The following PRIM2 variants were observed in gnomAD, a reference collection of about 807,000 sequenced individuals.
PRIM2 encodes DNA primase subunit 2.
In PRIM2, 39 loss-of-function variants were observed where a neutral mutation model predicts 67.3. The ratio of observed to expected loss-of-function variants is 0.58; its 90% CI spans 0.45 to 0.76. The LOEUF is 0.76. PRIM2 is among the 30% of genes least tolerant of loss of function. PRIM2 has a pLI of 0.00. For synonymous variants in PRIM2, 143 were observed against 198.7 expected (o/e 0.72, Z 2.36); for missense variants, 398 against 598.7 (o/e 0.66, Z 3.50).
intron 7 of PRIM2, among the ~76,000 whole-genome samples, chr6:57,396,960 T>A (rs1770536394): frequency 6.6e-6 from 1 of 152,200 alleles, no homozygotes; most frequent in Non-Finnish European, 1.5e-5. Context: ...TCTTGGCTGA[T>A]AATGATTTTG....
chr6:57,504,012 T>C (rs1774199870), intron 7 of PRIM2, among the ~76,000 whole-genome samples: 1 of 152,102 alleles, frequency 6.6e-6, no homozygotes, highest in Non-Finnish European at 1.5e-5. Context: ...CTGTCCTGTT[T>C]TGAGGGGTGA....
chr6:57,359,890 T>G (rs1769142095), intron 5 of PRIM2, among the ~76,000 whole-genome samples: 1 of 152,222 alleles, frequency 6.6e-6, no homozygotes. Flanking sequence ...TGCTTAAAAG[T>G]TAGCTGAGAA....
chr6:57,527,461 T>C (rs1399716266), intron 8 of PRIM2, among the ~76,000 whole-genome samples: 4 of 152,304 alleles, frequency 2.6e-5, no homozygotes, highest in Admixed American at 1.3e-4. Context: ...TGCCTTCCTT[T>C]CTCCATCGTT....
chr6:57,619,999 G>T (rs1209949275), intron 12 of PRIM2, among the ~76,000 whole-genome samples: 1 of 152,038 alleles, frequency 6.6e-6, no homozygotes, highest in African/African-American at 2.4e-5. Context: ...GATCGAGACC[G>T]TCCTGGCTAA....
the PRIM2 span, among the ~76,000 whole-genome samples, chr6:57,261,405 C>T: frequency 7.2e-5 from 11 of 152,192 alleles, no homozygotes; most frequent in Non-Finnish European, 4.4e-5. Flanking sequence ...GGGAAAAATA[C>T]CCAGCTTCTC....
chr6:57,258,333 C>T, the PRIM2 span, among the ~76,000 whole-genome samples: 1 of 151,578 alleles, frequency 6.6e-6, no homozygotes, highest in Non-Finnish European at 1.5e-5. Flanking sequence ...TATGTGTAGT[C>T]TCATCTAGTT....
At chr6:57,339,059 C>T (rs912087072) in intron 5 of PRIM2, among the ~76,000 whole-genome samples, 5 of 151,794 alleles carry the variant, frequency 3.3e-5, no homozygotes, top group East Asian at 1.9e-4. Context: ...TATACACCAA[C>T]AACAGACAAA....
intron 12 of PRIM2, among the ~76,000 whole-genome samples, chr6:57,625,157 G>A (rs1172389505): frequency 8.5e-5 from 13 of 152,156 alleles, no homozygotes; most frequent in African/African-American, 2.4e-4. Context: ...ACCATATATC[G>A]CAGATAAACA....
chr6:57,418,963 T>C (rs1434541912), intron 7 of PRIM2, among the ~76,000 whole-genome samples: 3 of 152,084 alleles, frequency 2.0e-5, no homozygotes, highest in African/African-American at 7.2e-5. Flanking sequence ...AATACTGAGA[T>C]TTAATTATTT....
At chr6:57,364,485 C>G (rs4715668) in intron 5 of PRIM2, among the ~76,000 whole-genome samples, 1 of 151,968 alleles carries the variant, frequency 6.6e-6, no homozygotes, top group Admixed American at 6.6e-5. Context: ...ACCATATATA[C>G]TTTGGGTGGC....
At chr6:57,609,468 A>G (rs1367611983) in intron 12 of PRIM2, among the ~76,000 whole-genome samples, 95 of 152,376 alleles carry the variant, frequency 6.2e-4, no homozygotes, top group African/African-American at 2.1e-3. Flanking sequence ...TAGGGAATCT[A>G]GAAGAAATTA....
At chr6:57,615,857 T>C (rs1284492076) in intron 12 of PRIM2, among the ~76,000 whole-genome samples, 1 of 152,172 alleles carries the variant, frequency 6.6e-6, no homozygotes, top group Non-Finnish European at 1.5e-5. Flanking sequence ...GCCACTGTAC[T>C]CCATCCTGGA....
rs1402842750 is a variant in PRIM2, at chr6:57,438,304, ATTGTTACTGTTTGTGGC to A, written c.693+56138_693+56154del. 4.6e-5 allele frequency among the ~76,000 whole-genome samples: 7 copies of A among 152,300 alleles called. No individual in the cohort carries two copies. In the East Asian group the frequency reaches 1.4e-3, roughly 29 times the overall value. The stretch of plus-strand genomic sequence containing the variant: ...TTTAAAACAAAACATACTTCAAGGA[ATTGTTACTGTTTGTGGC>A]TGGGTTTACATACTCTTGAATCTGA... On this transcript the variant is annotated intron_variant, in intron 7 of 13. Coordinates refer to ENST00000615550, the MANE Select transcript of PRIM2 (RefSeq NM_000947.5).
intron 7 of PRIM2, chr6:57,382,856 T>TCTTGGGACAGA: frequency 6.6e-6 from 1 of 152,208 alleles, no homozygotes; most frequent in Admixed American, 6.6e-5. Flanking sequence ...TGTTTTAAAC[T>TCTTGGGACAGA]GTACTGATTA....
intron 10 of PRIM2, among the ~76,000 whole-genome samples, chr6:57,548,937 AG>A (rs1376131430): frequency 2.0e-5 from 3 of 152,128 alleles, no homozygotes; most frequent in African/African-American, 4.8e-5. Flanking sequence ...AAAAAAAAAA[AG>A]ATTGCTAAGC....
Position 57,385,264 on chromosome 6 carries a change from T to G in PRIM2, c.693+3096T>G, listed in dbSNP as rs536792819. ...CCTTGTTGTTAAGAAATAAGAGTATTTATGAACTTTGAATTCCATTCTTCT... is the reference window on the plus strand; with the variant it reads ...CCTTGTTGTTAAGAAATAAGAGTATGTATGAACTTTGAATTCCATTCTTCT... On this transcript the variant is annotated intron_variant, in intron 7 of 13. Coordinates refer to ENST00000615550, the MANE Select transcript of PRIM2 (RefSeq NM_000947.5). Among the ~76,000 whole-genome samples the G allele has an allele frequency of 2.7e-3, 410 of 152,290 alleles. 7 individuals are homozygous for G. In the South Asian group the frequency reaches 0.031, roughly 12 times the overall value.
In PRIM2 at chr6:57,409,216, C is replaced by G. The variant is rs191721888; in HGVS notation, c.693+27048C>G. Reference sequence around the variant, plus strand: ...TTCGAGATGGAGTCTCGCTCTGTCGCCCAGGCTGGAGTACACTAGCACGAT... The same window carrying G: ...TTCGAGATGGAGTCTCGCTCTGTCGGCCAGGCTGGAGTACACTAGCACGAT... On this transcript the variant is annotated intron_variant, in intron 7 of 13. Transcript: ENST00000615550. Among the ~76,000 whole-genome samples, 226 of 151,888 alleles carry G rather than the reference C, an allele frequency of 1.5e-3. 1 individual carries two copies. Among genetic ancestry groups the G allele is most frequent in the Non-Finnish European group, 2.2e-3 (152 of 67,986 alleles).
At chr6:57,333,015 T>C (rs887273301) in intron 5 of PRIM2, among the ~76,000 whole-genome samples, 2 of 152,192 alleles carry the variant, frequency 1.3e-5, no homozygotes, top group South Asian at 4.1e-4. Flanking sequence ...CTTTGCTGTT[T>C]ATTTTACTGT....
In PRIM2 at chr6:57,519,481, C is replaced by T. The variant is rs1458241759; in HGVS notation, c.761+12027C>T. 6.6e-5 allele frequency among the ~76,000 whole-genome samples: 10 copies of T among 152,312 alleles called. No homozygotes were observed. The East Asian group carries it at 1.2e-3, about 18-fold the overall frequency. ...TTCCTTGCTGAGAAAAGGAATTCAG[C>T]GACATTTCTTCCATTTGCTTTTGAA... On this transcript the variant is annotated intron_variant, in intron 8 of 13. Coordinates refer to ENST00000615550, the MANE Select transcript of PRIM2 (RefSeq NM_000947.5).
Sources: gnomAD v4.1 joint callset for allele counts (sites outside exome capture counted in the v4.1 genomes callset) on GRCh38, gnomAD v4.1.1 for gene constraint, MANE v1.5 for transcripts, NCBI Gene and HGNC (gene_info 2026-07-23, HGNC 2026-07-21) for gene names.